Variants in MEIG1 observed in about 807,000 individuals in gnomAD.
MEIG1 encodes meiosis/spermiogenesis associated 1.
A neutral mutation model predicts 11.3 loss-of-function variants in MEIG1; 12 were observed. The ratio of observed to expected loss-of-function variants is 1.07; its 90% CI spans 0.68 to 1.73. The LOEUF (loss-of-function observed/expected upper bound fraction) is 1.73, where lower values mean the gene tolerates loss of function less well. MEIG1 is among the 40% of genes most tolerant of loss of function. The pLI is 0.00. For missense variants in MEIG1, 119 were observed against 104.9 expected (o/e 1.13, Z -0.59); for synonymous variants, 41 against 33.2 (o/e 1.24, Z -0.81).
At chr10:14,969,490 C>T (rs892952342) in intron 2 of MEIG1, among the ~76,000 whole-genome samples, 2 of 151,348 alleles carry the variant, frequency 1.3e-5, no homozygotes, top group Non-Finnish European at 2.9e-5. Context: ...AGAAAGTTGT[C>T]ACAAGAATTA....
upstream of MEIG1, among the ~76,000 whole-genome samples, chr10:14,955,591 G>A (rs900526590): frequency 6.6e-6 from 1 of 152,132 alleles, no homozygotes. Context: ...CCAGCTACTC[G>A]GGAGGCCGAG....
At position 14,964,029 on chromosome 10, in the gene MEIG1, T is replaced by A. The variant is rs553196676; in HGVS notation, c.-29-2411T>A. ...AGGAGAATAGCATGAACCTGGGAAGTGGAGCTTGCAGTGAGCCGAGATCGC... is the reference window on the plus strand; with the variant it reads ...AGGAGAATAGCATGAACCTGGGAAGAGGAGCTTGCAGTGAGCCGAGATCGC... On this transcript the variant is annotated intron_variant, in intron 1 of 2. Coordinates refer to ENST00000407572, the MANE Select transcript of MEIG1 (RefSeq NM_001080836.3). 1.7e-4 allele frequency among the ~76,000 whole-genome samples: 24 copies of A among 143,588 alleles called. No individual in the cohort carries two copies. The South Asian group carries it at 5.2e-3, about 31-fold the overall frequency. The allele number at this position is 143,588 out of a possible 152,430, so 94.2% of individuals were successfully genotyped here.
chr10:14,975,383 G>A (rs1843199145), downstream of MEIG1, among the ~76,000 whole-genome samples: 1 of 151,996 alleles, frequency 6.6e-6, no homozygotes, highest in African/African-American at 2.4e-5. Context: ...ATGGAGAGGA[G>A]AGGCTGATAT....
Position 14,966,529 on chromosome 10 carries a change from A to C in MEIG1, c.61A>C (p.Ile21Leu). 6.2e-7 allele frequency: 1 copy of C among 1,613,082 alleles called. No homozygotes were observed. The highest frequency in any genetic ancestry group is 8.5e-7 in the Non-Finnish European group (1 of 1,179,502). ...TCATGCCAAAAAATGGTCAGAAGAG[A>C]TAGAAAATCTGTACAGATTTCAACA... ...VSHAKKWSEE[I>L]ENLYRFQQAG... The change falls in exon 2 of 3, where the codon ATA becomes CTA. Residue 21 changes from isoleucine to leucine, a missense_variant. Coordinates refer to ENST00000407572, the MANE Select transcript of MEIG1 (RefSeq NM_001080836.3).
At chr10:14,959,832 G>A (rs1842991387) in intron 1 of MEIG1, among the ~76,000 whole-genome samples, 1 of 152,260 alleles carries the variant, frequency 6.6e-6, no homozygotes, top group African/African-American at 2.4e-5. Context: ...CCGCGTCTCC[G>A]AGGGCTCCGA....
chr10:14,977,104 A>G (rs1440612217), downstream of MEIG1, among the ~76,000 whole-genome samples: 1 of 152,002 alleles, frequency 6.6e-6, no homozygotes, highest in East Asian at 1.9e-4. Context: ...GATATTATTC[A>G]TGATATTGTA....
chr10:14,984,252 G>C (rs548318613), intron 1 of MEIG1, among the ~76,000 whole-genome samples: 1 of 151,722 alleles, frequency 6.6e-6, no homozygotes, highest in Non-Finnish European at 1.5e-5. Context: ...ATCCAGGGTG[G>C]GAGAGGGGGG....
chr10:14,974,561 G>A (rs1484447144), downstream of MEIG1, among the ~76,000 whole-genome samples: 3 of 152,076 alleles, frequency 2.0e-5, no homozygotes, highest in African/African-American at 7.2e-5. Flanking sequence ...ACCAGCTGTC[G>A]AGGGAGGGGT....
In MEIG1 at chr10:14,972,765, A is replaced by G; in HGVS notation, c.*124A>G. Reference sequence around the variant, plus strand: ...TCTGCAGTTTAATGTTTTGTGAAACACAAAAGCCATGAGAATTGGTATCTG... The same window carrying G: ...TCTGCAGTTTAATGTTTTGTGAAACGCAAAAGCCATGAGAATTGGTATCTG... On this transcript the variant is annotated 3_prime_UTR_variant, in exon 3 of 3. Transcript: ENST00000407572. 1.0e-6 allele frequency: 1 copy of G among 979,628 alleles called. No homozygotes were observed. The allele number at this position is 979,628 out of a possible 1,614,324, so 60.7% of individuals were successfully genotyped here.
At chr10:14,954,652 C>T (rs1592159), upstream of MEIG1, among the ~76,000 whole-genome samples, 91,702 of 151,820 alleles carry the variant, frequency 0.6, 28,482 homozygotes, top group Non-Finnish European at 0.68. Context: ...AATAAGATCC[C>T]AATAATGCCT....
downstream of MEIG1, among the ~76,000 whole-genome samples, chr10:14,976,247 C>T (rs763360333): frequency 2.0e-5 from 3 of 150,944 alleles, no homozygotes; most frequent in African/African-American, 7.3e-5. Flanking sequence ...GTAAAGTCAC[C>T]GGGGTATACA....
At chr10:14,977,867 G>A (rs910198083) in intron 1 of MEIG1, among the ~76,000 whole-genome samples, 4 of 151,852 alleles carry the variant, frequency 2.6e-5, no homozygotes, top group Non-Finnish European at 5.9e-5. Flanking sequence ...TAATATCACC[G>A]TGAGTTTACA....
downstream of MEIG1, among the ~76,000 whole-genome samples, chr10:14,974,434 G>GAC (rs1843189229): frequency 1.3e-5 from 2 of 152,008 alleles, no homozygotes; most frequent in South Asian, 2.1e-4. Context: ...TGAGAAGGTC[G>GAC]GCAGAGGTGA....
chr10:14,984,901 T>C (rs1480925464), intron 1 of MEIG1, among the ~76,000 whole-genome samples: 1 of 152,008 alleles, frequency 6.6e-6, no homozygotes, highest in Non-Finnish European at 1.5e-5. Context: ...ATATTCTTCA[T>C]AATATTCCAG....
At chr10:14,962,495 G>T (rs529913669) in intron 1 of MEIG1, among the ~76,000 whole-genome samples, 1 of 152,220 alleles carries the variant, frequency 6.6e-6, no homozygotes, top group South Asian at 2.1e-4. Flanking sequence ...AAGTCCAATT[G>T]AATACAGCAT....
downstream of MEIG1, among the ~76,000 whole-genome samples, chr10:14,977,032 G>C (rs556107707): frequency 6.6e-6 from 1 of 152,164 alleles, no homozygotes; most frequent in African/African-American, 2.4e-5. Flanking sequence ...TACTCCCTGT[G>C]TTCTATTTCC....
chr10:14,986,758 C>T (rs552319446), intron 1 of MEIG1: 5 of 331,776 alleles, frequency 1.5e-5, no homozygotes, highest in East Asian at 8.3e-5. Flanking sequence ...TACAGGCAGG[C>T]GTCACCAAGC....
At chr10:14,957,473 G>A (rs1037186331), upstream of MEIG1, among the ~76,000 whole-genome samples, 2 of 152,220 alleles carry the variant, frequency 1.3e-5, no homozygotes, top group African/African-American at 4.8e-5. Flanking sequence ...CAGTGTGGCT[G>A]CAGCAGAATG....
chr10:14,983,575 A>G (rs939757382), intron 1 of MEIG1, among the ~76,000 whole-genome samples: 9 of 151,898 alleles, frequency 5.9e-5, no homozygotes. Context: ...TTAATATTCA[A>G]AGGTGGAGAG....
Sources: allele counts gnomAD v4.1 joint callset (sites outside exome capture counted in the v4.1 genomes callset), GRCh38; gene constraint gnomAD v4.1.1; transcripts MANE v1.5; gene names NCBI Gene and HGNC (gene_info 2026-07-23, HGNC 2026-07-21).